The following PTPRD variants were observed in gnomAD, a reference collection of about 807,000 sequenced individuals.
PTPRD encodes receptor-type tyrosine-protein phosphatase delta.
PTPRD carries 34 observed loss-of-function variants against 214.5 expected under a neutral mutation model. The observed-to-expected ratio is 0.16, with a 90% CI of 0.12 to 0.21. PTPRD has a LOEUF of 0.21. Among genes scored for constraint, PTPRD ranks in the 10% least tolerant of loss-of-function variants. PTPRD has a pLI of 1.00. For synonymous variants in PTPRD, 1,128 were observed against 845.7 expected (o/e 1.33, Z -5.79); for missense variants, 2,545 against 2,398.7 (o/e 1.06, Z -1.27).
intron 7 of PTPRD, among the ~76,000 whole-genome samples, chr9:9,714,896 G>A (rs2097792156): frequency 6.6e-6 from 1 of 152,078 alleles, no homozygotes; most frequent in African/African-American, 2.4e-5. Context: ...GTAAATAGGG[G>A]GGTAAATTGG....
intron 12 of PTPRD, among the ~76,000 whole-genome samples, chr9:8,730,584 A>G (rs1007563175): frequency 6.6e-6 from 1 of 152,262 alleles, no homozygotes; most frequent in Non-Finnish European, 1.5e-5. Flanking sequence ...AGAAGATGCT[A>G]ACAGTAGGTT....
chr9:8,326,562 A>G (rs182527492), intron 44 of PTPRD, among the ~76,000 whole-genome samples: 5 of 151,744 alleles, frequency 3.3e-5, no homozygotes. Flanking sequence ...AGGTTTTGGT[A>G]TCAGGATGAT....
Position 10,573,722 on chromosome 9 carries a change from C to G in PTPRD, c.-600+38676G>C, listed in dbSNP as rs548775167. On this transcript the variant is annotated intron_variant, in intron 2 of 45. Transcript: ENST00000381196. Reference sequence around the variant, plus strand: ...TGAAAAGGAAATAGTATTTGTATCTCAAGTATTTTCTGGAAATAAGAAAAA... The same window carrying G: ...TGAAAAGGAAATAGTATTTGTATCTGAAGTATTTTCTGGAAATAAGAAAAA... Among the ~76,000 whole-genome samples the G allele has an allele frequency of 4.1e-4, 62 of 151,952 alleles. No homozygotes were observed. In the South Asian group the frequency reaches 0.012, roughly 31 times the overall value.
intron 14 of PTPRD, among the ~76,000 whole-genome samples, chr9:8,617,292 C>T (rs770861520): frequency 1.1e-4 from 16 of 152,000 alleles, no homozygotes; most frequent in Non-Finnish European, 2.2e-4. Flanking sequence ...CTCAGTGTCT[C>T]TGATGAGGGT....
rs1397901406 is a variant in PTPRD at position 9,748,209 on chromosome 9, T to C, written c.-325-13638A>G. On this transcript the variant is annotated intron_variant, in intron 6 of 45. Transcript: ENST00000381196. ...AAGATAGTATGGTAATAATCTTCTA[T>C]GTCTTATTACTTTTATTTACTTTTT... Among the ~76,000 whole-genome samples, 5 of 152,232 alleles carry C rather than the reference T, an allele frequency of 3.3e-5. No homozygotes were observed. In the East Asian group the frequency reaches 9.6e-4, roughly 29 times the overall value.
At chr9:10,482,777 G>A (rs546897730) in intron 2 of PTPRD, among the ~76,000 whole-genome samples, 1 of 152,148 alleles carries the variant, frequency 6.6e-6, no homozygotes, top group East Asian at 1.9e-4. Flanking sequence ...AATCTCCAAG[G>A]GGAACTACAA....
intron 5 of PTPRD, among the ~76,000 whole-genome samples, chr9:9,818,204 G>T (rs893265718): frequency 2.6e-5 from 4 of 152,142 alleles, no homozygotes; most frequent in African/African-American, 7.2e-5. Context: ...CAGACCTAAA[G>T]AAATCGGTCT....
intron 10 of PTPRD, among the ~76,000 whole-genome samples, chr9:9,077,350 G>T (rs1327091572): frequency 7.1e-6 from 1 of 141,626 alleles, no homozygotes; most frequent in Non-Finnish European, 1.6e-5. Flanking sequence ...GTTCATAGAA[G>T]CAGAATGGGG....
At chr9:9,910,808 C>T (rs2078971496) in intron 5 of PTPRD, among the ~76,000 whole-genome samples, 1 of 151,956 alleles carries the variant, frequency 6.6e-6, no homozygotes. Context: ...AGTCATGAGA[C>T]TCCTAATGGA....
At chr9:10,198,133 T>C (rs1335442542) in intron 3 of PTPRD, among the ~76,000 whole-genome samples, 1 of 152,156 alleles carries the variant, frequency 6.6e-6, no homozygotes, top group Non-Finnish European at 1.5e-5. Context: ...ACTTTCATAT[T>C]GTATATATAA....
chr9:10,413,877 T>A (rs2098461560), intron 2 of PTPRD, among the ~76,000 whole-genome samples: 1 of 151,818 alleles, frequency 6.6e-6, no homozygotes, highest in African/African-American at 2.4e-5. Context: ...CTAGTCAACA[T>A]ATAATGCTGG....
chr9:9,830,303 AT>A (rs1173117193), intron 5 of PTPRD, among the ~76,000 whole-genome samples: 1 of 151,688 alleles, frequency 6.6e-6, no homozygotes. Flanking sequence ...GCCACATCCC[AT>A]TTTTTATTTG....
chr9:8,381,188 C>G (rs1327956938), intron 37 of PTPRD, among the ~76,000 whole-genome samples: 2 of 152,252 alleles, frequency 1.3e-5, no homozygotes, highest in African/African-American at 2.4e-5. Flanking sequence ...AATGGACAAA[C>G]AGGCTAACAT....
chr9:9,458,478 C>A (rs1588985017), intron 8 of PTPRD, among the ~76,000 whole-genome samples: 1 of 151,874 alleles, frequency 6.6e-6, no homozygotes, highest in Non-Finnish European at 1.5e-5. Context: ...AATGAGTGTG[C>A]ATGTCTTTAC....
chr9:9,726,973 G>A (rs1322800128), intron 7 of PTPRD, among the ~76,000 whole-genome samples: 1 of 152,098 alleles, frequency 6.6e-6, no homozygotes, highest in Non-Finnish European at 1.5e-5. Context: ...AATAAGCAGA[G>A]AGCTTTTGAA....
rs1438831908 is a variant in PTPRD at position 10,488,950 on chromosome 9, C to G, written c.-600+123448G>C. ...CAAGTGTCCGCTTGGTGCTCTACCCCACTGTATCTTAGCTGGTACCTAATG... is the reference window on the plus strand; with the variant it reads ...CAAGTGTCCGCTTGGTGCTCTACCCGACTGTATCTTAGCTGGTACCTAATG... On this transcript the variant is annotated intron_variant, in intron 2 of 45. Transcript: ENST00000381196. Among the ~76,000 whole-genome samples the G allele has an allele frequency of 2.6e-5, 4 of 152,242 alleles. No homozygotes were observed. In the East Asian group the frequency reaches 7.8e-4, roughly 30 times the overall value.
intron 11 of PTPRD, among the ~76,000 whole-genome samples, chr9:8,925,597 T>G (rs2098876051): frequency 7.4e-6 from 1 of 134,818 alleles, no homozygotes; most frequent in Non-Finnish European, 1.6e-5. Flanking sequence ...ATTTTTCATC[T>G]GATGAGGATG....
chr9:10,491,126 G>C (rs970445119), intron 2 of PTPRD, among the ~76,000 whole-genome samples: 1 of 152,072 alleles, frequency 6.6e-6, no homozygotes, highest in African/African-American at 2.4e-5. Flanking sequence ...AGCATATCCA[G>C]GATATCCTGT....
intron 11 of PTPRD, among the ~76,000 whole-genome samples, chr9:8,783,715 C>T (rs111757400): frequency 0.013 from 1,935 of 152,200 alleles, 50 homozygotes; most frequent in African/African-American, 0.044. Flanking sequence ...GGCTCAGTTC[C>T]GTTTCAATAT....
Sources: gnomAD v4.1 joint callset for allele counts (sites outside exome capture counted in the v4.1 genomes callset) on GRCh38, gnomAD v4.1.1 for gene constraint, MANE v1.5 for transcripts, NCBI Gene and HGNC (gene_info 2026-07-23, HGNC 2026-07-21) for gene names.